BACH2: variants seen among roughly 807,000 people sequenced by gnomAD.
The protein encoded by BACH2 is transcription regulator protein BACH2.
BACH2 carries 5 observed loss-of-function variants against 61.8 expected under a neutral mutation model. The ratio of observed to expected loss-of-function variants is 0.08; its 90% CI spans 0.04 to 0.17. The LOEUF is 0.17. Among genes scored for constraint, BACH2 ranks in the 10% least tolerant of loss-of-function variants. The pLI, the probability that BACH2 is intolerant of heterozygous loss-of-function variation, is 1.00. For missense variants in BACH2, 824 were observed against 1,091.1 expected (o/e 0.76, Z 3.45); for synonymous variants, 446 against 440.1 (o/e 1.01, Z -0.17).
At chr6:90,216,481 C>T (rs1256274838) in intron 3 of BACH2, among the ~76,000 whole-genome samples, 1 of 152,108 alleles carries the variant, frequency 6.6e-6, no homozygotes, top group Non-Finnish European at 1.5e-5. Context: ...GGGGTCATTT[C>T]CTCTTAAACA....
intron 4 of BACH2, among the ~76,000 whole-genome samples, chr6:90,145,955 T>C (rs565660321): frequency 1.3e-5 from 2 of 152,354 alleles, no homozygotes; most frequent in East Asian, 3.9e-4. Context: ...CAACCACACT[T>C]TATATTTTCA....
chr6:90,244,692 T>C (rs1164966563), intron 3 of BACH2, among the ~76,000 whole-genome samples: 1 of 152,208 alleles, frequency 6.6e-6, no homozygotes, highest in East Asian at 1.9e-4. Context: ...GCCTGTGCTA[T>C]GGGGACCACT....
intron 5 of BACH2, among the ~76,000 whole-genome samples, chr6:90,014,624 C>A (rs1323163071): frequency 6.7e-6 from 1 of 150,256 alleles, no homozygotes; most frequent in Non-Finnish European, 1.5e-5. Flanking sequence ...TACAGGTGTG[C>A]GCTACCATGC....
intron 5 of BACH2, among the ~76,000 whole-genome samples, chr6:90,065,867 C>T (rs1780938017): frequency 6.6e-6 from 1 of 152,086 alleles, no homozygotes; most frequent in African/African-American, 2.4e-5. Flanking sequence ...CCATAGAAGG[C>T]AGTATGTGAC....
At chr6:90,221,566 G>A (rs1007150750) in intron 3 of BACH2, among the ~76,000 whole-genome samples, 5 of 152,174 alleles carry the variant, frequency 3.3e-5, no homozygotes, top group African/African-American at 9.7e-5. Flanking sequence ...TTCCCTTGAG[G>A]AGTCTACTTA....
intron 5 of BACH2, among the ~76,000 whole-genome samples, chr6:90,041,511 G>A (rs548409806): frequency 1.3e-5 from 2 of 152,016 alleles, no homozygotes; most frequent in Admixed American, 1.3e-4. Context: ...ACCTCATTTG[G>A]TTATGGTACA....
At chr6:90,171,177 G>A (rs994274047) in intron 4 of BACH2, among the ~76,000 whole-genome samples, 3 of 151,986 alleles carry the variant, frequency 2.0e-5, no homozygotes, top group South Asian at 2.1e-4. Flanking sequence ...TTGGGAGGCC[G>A]AGACAGGAGG....
intron 4 of BACH2, among the ~76,000 whole-genome samples, chr6:90,110,620 A>C (rs1291277676): frequency 1.3e-5 from 2 of 152,234 alleles, no homozygotes; most frequent in African/African-American, 4.8e-5. Context: ...TCTCAAGCTC[A>C]AATTTTGTCA....
intron 1 of BACH2, among the ~76,000 whole-genome samples, chr6:90,274,483 C>T (rs1287549899): frequency 1.3e-5 from 2 of 152,064 alleles, no homozygotes; most frequent in East Asian, 1.9e-4. Context: ...CAAGAAAATC[C>T]GGTTGAAGTG....
intron 4 of BACH2, among the ~76,000 whole-genome samples, chr6:90,127,751 G>A (rs1274034293): frequency 5.3e-5 from 8 of 152,184 alleles, no homozygotes; most frequent in Admixed American, 5.2e-4. Flanking sequence ...CTTTGGCTCA[G>A]CTCGGCGATC....
Position 89,951,356 on chromosome 6 carries a change from G to A in BACH2, c.750C>T (p.Thr250=). 1 of 1,614,228 alleles carries A rather than the reference G, an allele frequency of 6.2e-7. No individual in the cohort carries two copies. Among genetic ancestry groups the A allele is most frequent in the African/African-American group, 1.3e-5 (1 of 75,068 alleles). Residue 250 remains threonine (T), a synonymous_variant, in exon 7 of 9, where the codon ACC becomes ACT. Coordinates refer to ENST00000257749, the MANE Select transcript of BACH2 (RefSeq NM_021813.4). The surrounding 1 kb of genome is among the most constrained non-coding windows in gnomAD (Gnocchi z 6.4). ...CCCGGAATGTGCTTGCAAAACCTGA[G>A]GTACTGTGTGATGATGCATTATAGA... ...KNVYNASSHS[T]SGFASTFRED...
intron 4 of BACH2, among the ~76,000 whole-genome samples, chr6:90,187,160 TA>T (rs1195092762): frequency 6.6e-6 from 1 of 152,166 alleles, no homozygotes; most frequent in Non-Finnish European, 1.5e-5. Context: ...AACACGGCAA[TA>T]CTGAGAGGCT....
intron 4 of BACH2, among the ~76,000 whole-genome samples, chr6:90,119,784 C>T (rs893117791): frequency 2.0e-5 from 3 of 151,982 alleles, no homozygotes; most frequent in Admixed American, 6.6e-5. Flanking sequence ...TTAAACATAA[C>T]GTTCATCCAC....
intron 5 of BACH2, among the ~76,000 whole-genome samples, chr6:90,026,798 G>A (rs1396751438): frequency 6.6e-6 from 1 of 152,176 alleles, no homozygotes; most frequent in Non-Finnish European, 1.5e-5. Flanking sequence ...TTAATAAAAG[G>A]AAACTTGCTC....
intron 5 of BACH2, among the ~76,000 whole-genome samples, chr6:90,028,163 T>C (rs1026179142): frequency 1.3e-5 from 2 of 152,236 alleles, no homozygotes; most frequent in Admixed American, 6.5e-5. Flanking sequence ...GCAACAGATC[T>C]GAGACCTCCC....
At chr6:90,056,468 A>G (rs1780357871) in intron 5 of BACH2, among the ~76,000 whole-genome samples, 1 of 152,188 alleles carries the variant, frequency 6.6e-6, no homozygotes, top group Non-Finnish European at 1.5e-5. Flanking sequence ...CCAGATTCAT[A>G]AAGCAAGTCC....
At chr6:90,009,177 G>T (rs1777574043) in intron 5 of BACH2, among the ~76,000 whole-genome samples, 2 of 152,174 alleles carry the variant, frequency 1.3e-5, no homozygotes, top group South Asian at 2.1e-4. Flanking sequence ...TTTAAAACTT[G>T]GTGGTTCTGA....
chr6:89,961,007 T>A (rs1306887087), intron 6 of BACH2, among the ~76,000 whole-genome samples: 1 of 152,244 alleles, frequency 6.6e-6, no homozygotes, highest in African/African-American at 2.4e-5. Flanking sequence ...ACCTTGGGTA[T>A]GTGGAACCTT....
At chr6:90,161,365 A>G (rs1785186816) in intron 4 of BACH2, among the ~76,000 whole-genome samples, 1 of 152,152 alleles carries the variant, frequency 6.6e-6, no homozygotes, top group South Asian at 2.1e-4. Context: ...TATTTTTTCT[A>G]ATGAAACACA....
Sources: allele counts gnomAD v4.1 joint callset (sites outside exome capture counted in the v4.1 genomes callset), GRCh38; gene constraint gnomAD v4.1.1; non-coding constraint Gnocchi (gnomAD v3.1); transcripts MANE v1.5; gene names NCBI Gene and HGNC (gene_info 2026-07-23, HGNC 2026-07-21).